SPAG16: variants seen among roughly 807,000 people sequenced by gnomAD.
The protein encoded by SPAG16 is sperm associated antigen 16.
Under a neutral mutation model 80.4 loss-of-function variants are expected in SPAG16, and 86 were observed. The ratio of observed to expected loss-of-function variants is 1.07; its 90% CI spans 0.90 to 1.28. The LOEUF is 1.28. SPAG16 is among the 50% of genes most tolerant of loss of function. The pLI, the probability that SPAG16 is intolerant of heterozygous loss-of-function variation, is 0.00. For synonymous variants in SPAG16, 294 were observed against 265.9 expected (o/e 1.11, Z -1.03); for missense variants, 870 against 765.3 (o/e 1.14, Z -1.61).
chr2:213,895,921 A>G (rs1326151752), intron 11 of SPAG16, among the ~76,000 whole-genome samples: 1 of 152,038 alleles, frequency 6.6e-6, no homozygotes, highest in Non-Finnish European at 1.5e-5. Flanking sequence ...AGCAAAAAAT[A>G]AAAAATAAAA....
chr2:214,136,866 G>T (rs968160963), intron 14 of SPAG16, among the ~76,000 whole-genome samples: 2 of 152,092 alleles, frequency 1.3e-5, no homozygotes, highest in Non-Finnish European at 2.9e-5. Flanking sequence ...CTCCTAATGA[G>T]CCTAAACATT....
At chr2:213,948,298 A>T (rs980158012) in intron 12 of SPAG16, among the ~76,000 whole-genome samples, 1 of 152,182 alleles carries the variant, frequency 6.6e-6, no homozygotes, top group African/African-American at 2.4e-5. Flanking sequence ...CAGACACGCA[A>T]ATGCATTTCT....
chr2:213,743,883 T>G (rs191185500), intron 10 of SPAG16, among the ~76,000 whole-genome samples: 29 of 152,346 alleles, frequency 1.9e-4, no homozygotes, highest in Admixed American at 1.4e-3. Flanking sequence ...TAGAACTCAA[T>G]CTGTTCTTCA....
intron 8 of SPAG16, among the ~76,000 whole-genome samples, chr2:213,374,020 T>C (rs1306288466): frequency 6.6e-6 from 1 of 152,180 alleles, no homozygotes; most frequent in African/African-American, 2.4e-5. Flanking sequence ...TGTGGGACTC[T>C]AGCTTAGCAC....
intron 10 of SPAG16, among the ~76,000 whole-genome samples, chr2:213,718,607 C>T (rs1038664446): frequency 4.6e-5 from 7 of 152,266 alleles, no homozygotes; most frequent in Non-Finnish European, 1.0e-4. Flanking sequence ...CCCTGCTGGC[C>T]CGGGGCAATG....
At chr2:214,155,503 A>AT (rs954163136) in intron 15 of SPAG16, among the ~76,000 whole-genome samples, 1 of 151,410 alleles carries the variant, frequency 6.6e-6, no homozygotes, top group African/African-American at 2.4e-5. Flanking sequence ...AGTCTAAAAG[A>AT]TTTACTTTTT....
intron 10 of SPAG16, among the ~76,000 whole-genome samples, chr2:213,792,939 T>C (rs1211291835): frequency 6.6e-6 from 1 of 151,680 alleles, no homozygotes; most frequent in Non-Finnish European, 1.5e-5. Context: ...TATTTTCTTT[T>C]TTTTTGAGAT....
chr2:214,257,966 C>A (rs1246851269), intron 15 of SPAG16, among the ~76,000 whole-genome samples: 1 of 152,042 alleles, frequency 6.6e-6, no homozygotes, highest in Admixed American at 6.6e-5. Flanking sequence ...ATTTTGATAA[C>A]AAATGAATAT....
chr2:214,318,256 G>A (rs1019276133), intron 15 of SPAG16, among the ~76,000 whole-genome samples: 1 of 151,828 alleles, frequency 6.6e-6, no homozygotes, highest in Non-Finnish European at 1.5e-5. Context: ...CACAGAAGGA[G>A]GAAACCCAGC....
intron 10 of SPAG16, among the ~76,000 whole-genome samples, chr2:213,743,251 T>G (rs2067665859): frequency 6.6e-6 from 1 of 152,236 alleles, no homozygotes; most frequent in South Asian, 2.1e-4. Flanking sequence ...GTATCTCCTC[T>G]TCCAACTAAA....
chr2:213,493,626 A>G (rs2074358197), intron 10 of SPAG16, among the ~76,000 whole-genome samples: 1 of 152,018 alleles, frequency 6.6e-6, no homozygotes, highest in African/African-American at 2.4e-5. Flanking sequence ...CCCAGACTGG[A>G]GCGCAGTGGT....
At chr2:213,677,032 A>G (rs2064119034) in intron 10 of SPAG16, among the ~76,000 whole-genome samples, 1 of 151,922 alleles carries the variant, frequency 6.6e-6, no homozygotes, top group African/African-American at 2.4e-5. Flanking sequence ...TTTGGTTGGT[A>G]AGCTGTTGAT....
At position 214,354,771 on chromosome 2, in the gene SPAG16, G is replaced by T. The variant is rs1176721531; in HGVS notation, c.1721-55369G>T. On this transcript the variant is annotated intron_variant, in intron 15 of 15. Coordinates refer to ENST00000331683, the MANE Select transcript of SPAG16 (RefSeq NM_024532.5). ...ATTCTCTTTGAAGCAATTGTGAATG[G>T]GAGTTCACTCATGATCTGGCTCTCT... Among the ~76,000 whole-genome samples, 5 of 152,090 alleles carry T rather than the reference G, an allele frequency of 3.3e-5. No homozygotes were observed. The East Asian group carries it at 9.7e-4, about 29-fold the overall frequency.
At chr2:213,459,199 C>T (rs1465360149) in intron 9 of SPAG16, among the ~76,000 whole-genome samples, 1 of 152,148 alleles carries the variant, frequency 6.6e-6, no homozygotes, top group Admixed American at 6.5e-5. Context: ...TCATTTTCTG[C>T]ATTCTTGTTG....
chr2:214,046,334 C>A (rs1423377569), intron 13 of SPAG16, among the ~76,000 whole-genome samples: 3 of 152,132 alleles, frequency 2.0e-5, no homozygotes, highest in African/African-American at 7.2e-5. Flanking sequence ...AGATGGAATA[C>A]TTCCAAACTC....
intron 10 of SPAG16, among the ~76,000 whole-genome samples, chr2:213,738,655 T>C (rs545102931): frequency 1.3e-5 from 2 of 152,356 alleles, no homozygotes; most frequent in African/African-American, 4.8e-5. Flanking sequence ...TTTACTATTA[T>C]TTTATTGTTT....
intron 10 of SPAG16, among the ~76,000 whole-genome samples, chr2:213,492,163 C>G (rs747735554): frequency 6.7e-6 from 1 of 150,020 alleles, no homozygotes; most frequent in Non-Finnish European, 1.5e-5. Flanking sequence ...TCTCTGTACT[C>G]TCATTCTATA....
Position 214,051,089 on chromosome 2 carries a change from T to A in SPAG16, c.1527+37012T>A, listed in dbSNP as rs184792617. 2.1e-3 allele frequency among the ~76,000 whole-genome samples: 313 copies of A among 152,280 alleles called. 2 individuals are homozygous for A. Among genetic ancestry groups the A allele is most frequent in the Non-Finnish European group, 2.2e-3 (153 of 68,032 alleles). On this transcript the variant is annotated intron_variant, in intron 13 of 15. Coordinates refer to ENST00000331683, the MANE Select transcript of SPAG16 (RefSeq NM_024532.5). ...CCTTTAATATTGATGACATAATGGT[T>A]TGTTATGTTTTAATTAAGCTCTAAG...
At chr2:214,089,225 T>C (rs2051997428) in intron 13 of SPAG16, among the ~76,000 whole-genome samples, 2 of 151,888 alleles carry the variant, frequency 1.3e-5, no homozygotes, top group Non-Finnish European at 2.9e-5. Context: ...ATGTGGAAAA[T>C]TGAATGGAGA....
Sources: allele counts gnomAD v4.1 joint callset (sites outside exome capture counted in the v4.1 genomes callset), GRCh38; gene constraint gnomAD v4.1.1; transcripts MANE v1.5; gene names NCBI Gene and HGNC (gene_info 2026-07-23, HGNC 2026-07-21).